Variants in PTPRN2 observed in about 807,000 individuals in gnomAD.
The protein encoded by PTPRN2 is receptor-type tyrosine-protein phosphatase N2.
PTPRN2 carries 74 observed loss-of-function variants against 118.8 expected under a neutral mutation model. That is an observed-to-expected ratio of 0.62 (90% confidence interval 0.52 to 0.76). PTPRN2 has a LOEUF of 0.76. PTPRN2 is among the 30% of genes least tolerant of loss of function. The probability of loss-of-function intolerance (pLI) is 0.00; values close to 1 mark genes in which losing one functional copy is unlikely to be tolerated. For synonymous variants in PTPRN2, 641 were observed against 608.0 expected (o/e 1.05, Z -0.80); for missense variants, 1,481 against 1,394.4 (o/e 1.06, Z -0.99).
At chr7:157,655,773 T>C (rs768243357) in intron 14 of PTPRN2, among the ~76,000 whole-genome samples, 1 of 152,074 alleles carries the variant, frequency 6.6e-6, no homozygotes, top group Admixed American at 6.5e-5. Context: ...GGACATTCAT[T>C]ATGTATGGAG....
intron 11 of PTPRN2, among the ~76,000 whole-genome samples, chr7:158,044,006 G>A (rs1478938954): frequency 1.3e-5 from 2 of 152,236 alleles, no homozygotes; most frequent in South Asian, 2.1e-4. Flanking sequence ...CACACGCCGA[G>A]GCTGTGATGG....
chr7:158,176,292 G>T lies in PTPRN2; in HGVS notation c.550-9001C>A, dbSNP rs541284066. Among the ~76,000 whole-genome samples the T allele has an allele frequency of 1.1e-3, 164 of 152,208 alleles. 2 individuals carry two copies. The highest frequency in any genetic ancestry group is 3.9e-3 in the African/African-American group (160 of 41,528). The stretch of plus-strand genomic sequence containing the variant: ...ATGGAGGGACAGTCATCGCCACGGG[G>T]CTCTTATTCACTGAGTGCTACACCA... On this transcript the variant is annotated intron_variant, in intron 5 of 22. Transcript: ENST00000389418.
chr7:158,400,496 A>T lies in PTPRN2; in HGVS notation c.164-83564T>A, dbSNP rs529579687. 7.2e-5 allele frequency among the ~76,000 whole-genome samples: 11 copies of T among 152,338 alleles called. No homozygotes were observed. In the South Asian group the frequency reaches 1.5e-3, roughly 20 times the overall value. ...AACGGGATTGCTTTATGGTGGCTCA[A>T]GCCCATTTCTCTGAGCTCCAAAGCC... On this transcript the variant is annotated intron_variant, in intron 2 of 22. Transcript: ENST00000389418.
chr7:158,262,172 C>A (rs1462916880), intron 3 of PTPRN2, among the ~76,000 whole-genome samples: 2 of 152,198 alleles, frequency 1.3e-5, no homozygotes, highest in East Asian at 1.9e-4. Flanking sequence ...CGGTTCACTC[C>A]TGCCTCCCTC....
At chr7:158,371,383 A>G (rs992822027) in intron 2 of PTPRN2, among the ~76,000 whole-genome samples, 1 of 152,180 alleles carries the variant, frequency 6.6e-6, no homozygotes, top group Admixed American at 6.5e-5. Context: ...TTAACCTTCT[A>G]TTTTTAAATA....
Position 158,312,034 on chromosome 7 carries a change from G to C in PTPRN2, c.277+4785C>G, listed in dbSNP as rs143705966. The stretch of plus-strand genomic sequence containing the variant: ...GCACATTCACATGCTCACGTGTAGA[G>C]ACACACACATGCACACACGTGCTCA... On this transcript the variant is annotated intron_variant, in intron 3 of 22. Coordinates refer to ENST00000389418, the MANE Select transcript of PTPRN2 (RefSeq NM_002847.5). Among the ~76,000 whole-genome samples the C allele has an allele frequency of 3.5e-3, 492 of 140,918 alleles. 3 individuals carry two copies. The highest frequency in any genetic ancestry group is 0.013 in the African/African-American group (475 of 37,220). 92.4% of individuals were successfully genotyped at this position (140,918 alleles called of 152,430 possible).
chr7:158,153,992 T>C (rs7788947), intron 6 of PTPRN2, among the ~76,000 whole-genome samples: 94,434 of 151,970 alleles, frequency 0.62, 30,361 homozygotes, highest in East Asian at 0.85. Flanking sequence ...CCCACAGCCA[T>C]GCTGTAGGAA....
chr7:157,687,140 C>G (rs192499969), intron 12 of PTPRN2, among the ~76,000 whole-genome samples: 1 of 151,974 alleles, frequency 6.6e-6, no homozygotes, highest in Non-Finnish European at 1.5e-5. Context: ...TTATTTTGAC[C>G]GTGCCCCTGA....
At chr7:157,950,691 G>T (rs539102508) in intron 11 of PTPRN2, among the ~76,000 whole-genome samples, 1 of 152,206 alleles carries the variant, frequency 6.6e-6, no homozygotes, top group African/African-American at 2.4e-5. Context: ...CATGGAGCAG[G>T]CTTATCCTCT....
At chr7:158,475,437 G>C (rs1820180932) in intron 2 of PTPRN2, among the ~76,000 whole-genome samples, 1 of 152,154 alleles carries the variant, frequency 6.6e-6, no homozygotes, top group Non-Finnish European at 1.5e-5. Flanking sequence ...GGATGCTGGA[G>C]AAAGGTGACC....
intron 5 of PTPRN2, among the ~76,000 whole-genome samples, chr7:158,175,246 C>T (rs895897152): frequency 2.0e-5 from 3 of 152,200 alleles, no homozygotes; most frequent in African/African-American, 7.2e-5. Flanking sequence ...TGCTTGCTGC[C>T]AGCCTGACAA....
chr7:158,173,766 C>T (rs898355775), intron 5 of PTPRN2, among the ~76,000 whole-genome samples: 12 of 152,292 alleles, frequency 7.9e-5, no homozygotes, highest in African/African-American at 2.4e-4. Flanking sequence ...CATTCCTTCC[C>T]CAGGATTATT....
chr7:158,105,005 GCTCCATCAAA>G (rs1205985504), intron 10 of PTPRN2, among the ~76,000 whole-genome samples: 17 of 140,200 alleles, frequency 1.2e-4, no homozygotes, highest in African/African-American at 4.4e-4. Context: ...CTCCATCCCA[GCTCCATCAAA>G]CTCCATCCCA....
intron 2 of PTPRN2, among the ~76,000 whole-genome samples, chr7:158,380,143 C>A (rs1212059481): frequency 1.3e-5 from 2 of 152,146 alleles, no homozygotes; most frequent in African/African-American, 4.8e-5. Flanking sequence ...TGCCCCTGGC[C>A]TCTCCCAAAT....
chr7:157,884,456 G>A (rs1230881842), intron 12 of PTPRN2, among the ~76,000 whole-genome samples: 1 of 152,224 alleles, frequency 6.6e-6, no homozygotes, highest in East Asian at 1.9e-4. Context: ...TCAATGCAGA[G>A]GGCTCGACTG....
chr7:157,678,679 T>C (rs1796782576), intron 13 of PTPRN2, among the ~76,000 whole-genome samples: 1 of 152,078 alleles, frequency 6.6e-6, no homozygotes, highest in South Asian at 2.1e-4. Context: ...GAGGTCCCCG[T>C]GGCCCGGATG....
At chr7:158,336,946 C>G (rs1174742134) in intron 2 of PTPRN2, among the ~76,000 whole-genome samples, 1 of 97,828 alleles carries the variant, frequency 1.0e-5, no homozygotes, top group Non-Finnish European at 2.3e-5. Flanking sequence ...CCACACTCGT[C>G]ACTCACACTC....
intron 11 of PTPRN2, among the ~76,000 whole-genome samples, chr7:158,071,021 G>T (rs1363857570): frequency 5.6e-5 from 6 of 107,064 alleles, no homozygotes; most frequent in African/African-American, 2.7e-4. Context: ...AGGTGCTCGT[G>T]GTGGAGGTGC....
intron 11 of PTPRN2, among the ~76,000 whole-genome samples, chr7:158,005,008 C>A (rs7457623): frequency 0.82 from 125,229 of 151,824 alleles, 51,835 homozygotes; most frequent in East Asian, 0.89. Context: ...CAAGCCTCAG[C>A]ATTTCCGGCT....
Sources: gnomAD v4.1 joint callset for allele counts (sites outside exome capture counted in the v4.1 genomes callset) on GRCh38, gnomAD v4.1.1 for gene constraint, MANE v1.5 for transcripts, NCBI Gene and HGNC (gene_info 2026-07-23, HGNC 2026-07-21) for gene names.